GABRA2: variants seen among roughly 807,000 people sequenced by gnomAD.
GABRA2 encodes gamma-aminobutyric acid type A receptor subunit alpha2, also known as gamma-aminobutyric acid receptor subunit alpha-2.
Under a neutral mutation model 48.7 loss-of-function variants are expected in GABRA2, and 16 were observed. The observed-to-expected ratio is 0.33, with a 90% confidence interval of 0.22 to 0.50. The LOEUF (loss-of-function observed/expected upper bound fraction) is 0.50. Among genes scored for constraint, GABRA2 ranks in the 20% least tolerant of loss-of-function variants. The pLI is 0.98. For missense variants in GABRA2, 275 were observed against 535.6 expected (o/e 0.51, Z 4.80); for synonymous variants, 185 against 184.5 (o/e 1.00, Z -0.02).
At chr4:46,342,621 G>A (rs1224118155) in intron 3 of GABRA2, among the ~76,000 whole-genome samples, 1 of 151,956 alleles carries the variant, frequency 6.6e-6, no homozygotes, top group African/African-American at 2.4e-5. Context: ...CCTTGTCACA[G>A]AAGCATAGCT....
intron 3 of GABRA2, among the ~76,000 whole-genome samples, chr4:46,371,594 G>A (rs1369379236): frequency 7.1e-6 from 1 of 140,308 alleles, no homozygotes; most frequent in Non-Finnish European, 1.6e-5. Context: ...TATAGATATA[G>A]ATTTTTTTTA....
intron 8 of GABRA2, among the ~76,000 whole-genome samples, chr4:46,265,396 A>AT (rs1403109091): frequency 0.014 from 1,905 of 137,170 alleles, 70 homozygotes; most frequent in African/African-American, 0.05. Flanking sequence ...ATATATATAT[A>AT]ATATATTGTG....
At chr4:46,272,400 T>A (rs565730072) in intron 8 of GABRA2, among the ~76,000 whole-genome samples, 24 of 152,166 alleles carry the variant, frequency 1.6e-4, no homozygotes, top group African/African-American at 5.8e-4. Flanking sequence ...ATTTATTTTT[T>A]AGGATAATTG....
chr4:46,360,438 C>T (rs1002028801), intron 3 of GABRA2, among the ~76,000 whole-genome samples: 42 of 152,348 alleles, frequency 2.8e-4, no homozygotes, highest in African/African-American at 9.4e-4. Flanking sequence ...AGCTCTCTCC[C>T]TGCCTGCTGC....
intron 8 of GABRA2, among the ~76,000 whole-genome samples, chr4:46,277,539 G>T (rs1057125815): frequency 6.6e-6 from 1 of 152,096 alleles, no homozygotes; most frequent in Non-Finnish European, 1.5e-5. Flanking sequence ...AATTAAAACC[G>T]TCTATATCTA....
At chr4:46,350,914 A>AG (rs755412238) in intron 3 of GABRA2, among the ~76,000 whole-genome samples, 145 of 152,062 alleles carry the variant, frequency 9.5e-4, no homozygotes, top group Non-Finnish European at 1.7e-3. Flanking sequence ...GGTGTGGTGT[A>AG]GGAGGTAAGA....
chr4:46,332,753 A>G lies in GABRA2; in HGVS notation c.188-71T>C, dbSNP rs1219089098. The G allele has an allele frequency of 8.7e-6, 8 of 917,480 alleles. No individual in the cohort carries two copies. In the Admixed American group the frequency reaches 1.4e-4, roughly 16 times the overall value. The allele number at this position is 917,480 out of a possible 1,614,324, so 56.8% of individuals were successfully genotyped here. A position where few individuals can be genotyped will look rare whatever the true frequency, so the allele number is the denominator to read the frequency against. ...CCACAGGAGAGAGAAGGGTTTGAGTACACGGTATGGTTTGAAAGCTGTGTC... is the reference window on the plus strand; with the variant it reads ...CCACAGGAGAGAGAAGGGTTTGAGTGCACGGTATGGTTTGAAAGCTGTGTC... On this transcript the variant is annotated intron_variant, in intron 3 of 9. Transcript: ENST00000381620.
At chr4:46,299,057 G>A (rs1376691291) in intron 8 of GABRA2, among the ~76,000 whole-genome samples, 2 of 150,724 alleles carry the variant, frequency 1.3e-5, no homozygotes, top group South Asian at 4.2e-4. Context: ...ATTCAATTTT[G>A]ACTCATAAAA....
intron 5 of GABRA2, among the ~76,000 whole-genome samples, chr4:46,311,404 C>T (rs34180874): frequency 2.5e-3 from 387 of 152,260 alleles, no homozygotes; most frequent in Middle Eastern, 3.4e-3. Flanking sequence ...AACTGGAATA[C>T]GTGTTTCTGT....
intron 8 of GABRA2, among the ~76,000 whole-genome samples, chr4:46,276,477 A>G (rs1437896068): frequency 1.3e-5 from 2 of 152,094 alleles, no homozygotes; most frequent in Non-Finnish European, 2.9e-5. Context: ...CTGCTGACAG[A>G]TAACAGTTAA....
intron 6 of GABRA2, among the ~76,000 whole-genome samples, chr4:46,309,601 T>C (rs747631434): frequency 2.6e-5 from 4 of 151,824 alleles, no homozygotes; most frequent in Non-Finnish European, 5.9e-5. Flanking sequence ...ATATAACCCT[T>C]CTGACCTAAA....
intron 8 of GABRA2, among the ~76,000 whole-genome samples, chr4:46,298,991 T>C (rs987189833): frequency 1.3e-5 from 2 of 151,118 alleles, no homozygotes; most frequent in Non-Finnish European, 3.0e-5. Context: ...ATTATACATA[T>C]ATTATATGAT....
intron 3 of GABRA2, chr4:46,368,111 G>C (rs911694253): frequency 2.0e-5 from 3 of 152,116 alleles, no homozygotes; most frequent in African/African-American, 7.2e-5. Flanking sequence ...ATAAAAGAGA[G>C]CCCATTCCTA....
At chr4:46,289,879 T>TTTTATTTA (rs1156253698) in intron 8 of GABRA2, among the ~76,000 whole-genome samples, 11 of 128,320 alleles carry the variant, frequency 8.6e-5, no homozygotes, top group African/African-American at 3.2e-4. Flanking sequence ...TACCAGTTTA[T>TTTTATTTA]TTTATTTATT....
At chr4:46,340,912 C>T (rs1045331651) in intron 3 of GABRA2, among the ~76,000 whole-genome samples, 2 of 151,706 alleles carry the variant, frequency 1.3e-5, no homozygotes, top group Admixed American at 1.3e-4. Context: ...AGGCTGTATT[C>T]GTTTCTTCTT....
intron 8 of GABRA2, among the ~76,000 whole-genome samples, chr4:46,271,152 A>G (rs1262174737): frequency 6.6e-6 from 1 of 152,004 alleles, no homozygotes; most frequent in Non-Finnish European, 1.5e-5. Context: ...CAGAAACCAA[A>G]CAGGCACGAA....
chr4:46,326,745 C>T (rs991639475), intron 4 of GABRA2, among the ~76,000 whole-genome samples: 10 of 152,022 alleles, frequency 6.6e-5, no homozygotes, highest in African/African-American at 2.4e-4. Context: ...GCCCCCAAGC[C>T]ATCTGTACTC....
At chr4:46,370,744 C>G (rs1432313129) in intron 3 of GABRA2, among the ~76,000 whole-genome samples, 1 of 152,112 alleles carries the variant, frequency 6.6e-6, no homozygotes. Context: ...TTGTGTCCTT[C>G]CAGACTGGAC....
chr4:46,387,107 T>A (rs150115640), intron 2 of GABRA2, among the ~76,000 whole-genome samples: 204 of 152,330 alleles, frequency 1.3e-3, no homozygotes, highest in African/African-American at 4.4e-3. Flanking sequence ...TGTCTTTTTT[T>A]TTCTCAGAAT....
Sources: gnomAD v4.1 joint callset for allele counts (sites outside exome capture counted in the v4.1 genomes callset) on GRCh38, gnomAD v4.1.1 for gene constraint, MANE v1.5 for transcripts, NCBI Gene and HGNC (gene_info 2026-07-23, HGNC 2026-07-21) for gene names.